CHI3L2: variants seen among roughly 807,000 people sequenced by gnomAD.
The protein encoded by CHI3L2 is chitinase 3 like 2, also known as chitinase-3-like protein 2.
Under a neutral mutation model 47.3 loss-of-function variants are expected in CHI3L2, and 47 were observed. The observed-to-expected ratio is 0.99, with a 90% confidence interval of 0.79 to 1.27. The LOEUF (loss-of-function observed/expected upper bound fraction) is 1.27. Ranked by LOEUF, CHI3L2 falls within the 50% of genes most tolerant of loss-of-function variation. The probability of loss-of-function intolerance (pLI) is 0.00; values close to 1 mark genes in which losing one functional copy is unlikely to be tolerated. For synonymous variants in CHI3L2, 198 were observed against 169.9 expected, an observed-to-expected ratio of 1.17 and a Z score of -1.28; for missense variants, 497 against 462.1, an observed-to-expected ratio of 1.08 and a Z score of -0.69.
rs139820161 is a variant in CHI3L2, at chr1:111,236,102, C to T, written c.684C>T (p.Ser228=). The T allele has an allele frequency of 2.7e-5, 43 of 1,614,126 alleles. No individual in the cohort carries two copies. Among genetic ancestry groups the T allele is most frequent in the South Asian group, 6.6e-5 (6 of 91,090 alleles). ...AGCCCCTTATCACTGGCCACAACAG[C>T]CCTCTGAGCAAGGGGTGGCAGGACA... ...WEKPLITGHN[S]PLSKGWQDRG... is the part of the protein sequence containing the mutation. The change falls in exon 7 of 11, where the codon AGC becomes AGT. Residue 228 remains serine, a synonymous_variant. Transcript: ENST00000369748.
chr1:111,242,910 C>A (rs535665990), intron 10 of CHI3L2, among the ~76,000 whole-genome samples: 1 of 152,284 alleles, frequency 6.6e-6, no homozygotes, highest in Admixed American at 6.5e-5. Context: ...CATCCCTGGG[C>A]CCCCAGTTCC....
At position 111,229,876 on chromosome 1, in the gene CHI3L2, A is replaced by G; in HGVS notation, c.65A>G (p.Gln22Arg). 1 of 1,613,688 alleles carries G rather than the reference A, an allele frequency of 6.2e-7. No individual in the cohort carries two copies. Among genetic ancestry groups the G allele is most frequent in the Non-Finnish European group, 8.5e-7 (1 of 1,179,850 alleles). The change falls in exon 2 of 11, where the codon CAG becomes CGG. Residue 22 changes from glutamine to arginine, a missense_variant. Coordinates refer to ENST00000369748, the MANE Select transcript of CHI3L2 (RefSeq NM_004000.3). ...WAGVVVLLLL[Q>R]GGSAYKLVCY... is the part of the protein sequence containing the mutation. ...GGTGTAGTGGTCTTGCTGCTTCTCC[A>G]GGGAGGTAAGTAGTCAATAAGTCAC...
chr1:111,236,349 T>C (rs780157182), intron 7 of CHI3L2, among the ~76,000 whole-genome samples, 196 bp downstream of exon 7: 18 of 152,170 alleles, frequency 1.2e-4, no homozygotes, highest in Non-Finnish European at 2.4e-4. Flanking sequence ...CTAGAAAATA[T>C]CAGAAGTGCT....
chr1:111,230,000 C>A, intron 2 of CHI3L2, 119 bp downstream of exon 2: 1 of 1,095,674 alleles, frequency 9.1e-7, no homozygotes, highest in Non-Finnish European at 1.3e-6. Context: ...CCGGTTCTGC[C>A]ACTGACATAT....
chr1:111,229,967 G>A, intron 2 of CHI3L2, 86 bp downstream of exon 2: 1 of 1,458,248 alleles, frequency 6.9e-7, no homozygotes, highest in Non-Finnish European at 9.6e-7. Context: ...TCTGCTACAT[G>A]CTTTTTCTCT....
In CHI3L2 at chr1:111,235,190, G is replaced by C. The variant is rs567770966; in HGVS notation, c.480+133G>C. 3.5e-6 allele frequency: 3 copies of C among 848,880 alleles called. No individual in the cohort carries two copies. In the South Asian group the frequency reaches 5.8e-5, roughly 16 times the overall value. The allele number at this position is 848,880 out of a possible 1,614,324, so 52.6% of individuals were successfully genotyped here. On this transcript the variant is annotated intron_variant, in intron 5 of 10. Coordinates refer to ENST00000369748, the MANE Select transcript of CHI3L2 (RefSeq NM_004000.3). ...GTCTAACAGCCCCAGCCTTTCTGAA[G>C]CTCCCACTAATGAGAGAAAAGCCCT...
intron 1 of CHI3L2, 55 bp downstream of exon 1, chr1:111,227,824 C>T: frequency 2.6e-6 from 4 of 1,515,476 alleles, no homozygotes; most frequent in Non-Finnish European, 2.8e-6. Context: ...GAAGAGGTAA[C>T]AGGTCTGTAG....
intron 1 of CHI3L2, among the ~76,000 whole-genome samples, chr1:111,228,699 G>C (rs1659601204): frequency 6.6e-6 from 1 of 152,220 alleles, no homozygotes; most frequent in South Asian, 2.1e-4. Context: ...GGAGGAATCA[G>C]CTCCAGCAGC....
At position 111,227,907 on chromosome 1, in the gene CHI3L2, A is replaced by T. The variant is rs1571220788; in HGVS notation, c.40+138A>T. On this transcript the variant is annotated intron_variant, in intron 1 of 10. Coordinates refer to ENST00000369748, the MANE Select transcript of CHI3L2 (RefSeq NM_004000.3). ...CTTAGTGTCAAAAAATTTCAAGCCA[A>T]TGCAACTGTTGTAGGGGAACCACCT... 3.6e-6 allele frequency: 3 copies of T among 830,620 alleles called. No homozygotes were observed. In the Admixed American group the frequency reaches 6.5e-5, roughly 18 times the overall value. 51.5% of individuals were successfully genotyped at this position (830,620 alleles called of 1,614,324 possible). A position where few individuals can be genotyped will look rare whatever the true frequency, so the allele number is the denominator to read the frequency against.
intron 9 of CHI3L2, among the ~76,000 whole-genome samples, chr1:111,241,920 G>A (rs1660071304): frequency 6.6e-6 from 1 of 152,150 alleles, no homozygotes; most frequent in African/African-American, 2.4e-5. Flanking sequence ...GAGTGTAATT[G>A]ACAATCCTGG....
Position 111,238,944 on chromosome 1 carries a change from C to G in CHI3L2, c.918+12C>G, listed in dbSNP as rs779704460. ...TGGCCTATTATGAGGTACCTGGAAA[C>G]CCCCTGTACCCTCAGCTCCCTGCCA... On this transcript the variant is annotated intron_variant, in intron 8 of 10. Transcript: ENST00000369748. 3.8e-6 allele frequency: 6 copies of G among 1,564,380 alleles called. No homozygotes were observed. The highest frequency in any genetic ancestry group is 3.6e-5 in the South Asian group (3 of 83,248).
chr1:111,231,925 A>G (rs1659734542), intron 4 of CHI3L2, among the ~76,000 whole-genome samples: 1 of 152,262 alleles, frequency 6.6e-6, no homozygotes, highest in Non-Finnish European at 1.5e-5. Flanking sequence ...ATAAGGATAA[A>G]TATCACATTT....
In CHI3L2 at chr1:111,242,258, G is replaced by A. The variant is rs769095393; in HGVS notation, c.1067G>A (p.Gly356Glu). Residue 356 changes from glycine (G) to glutamate (E), a missense_variant, in exon 10 of 11, where the codon GGA (glycine) becomes GAA (glutamate). Gly to Glu is a moderately conservative substitution (Grantham distance 98, BLOSUM62 -2). Transcript: ENST00000369748. The stretch of plus-strand genomic sequence containing the variant: ...TTCTTAAAGAATTTAAACCTGGGAG[G>A]AGCCATGATCTGGTCTATTGACATG... ...VQFLKNLNLG[G>E]AMIWSIDMDD... 6.8e-6 allele frequency: 11 copies of A among 1,614,094 alleles called. No individual in the cohort carries two copies. In the South Asian group the frequency reaches 1.2e-4, roughly 18 times the overall value.
At chr1:111,229,163 C>T (rs1659616340) in intron 1 of CHI3L2, among the ~76,000 whole-genome samples, 1 of 152,150 alleles carries the variant, frequency 6.6e-6, no homozygotes, top group South Asian at 2.1e-4. Flanking sequence ...GTCACCCTAC[C>T]TATATTCAAC....
At position 111,230,940 on chromosome 1, in the gene CHI3L2, C is replaced by A. The variant is rs1429656804; in HGVS notation, c.269C>A (p.Thr90Asn). 6.2e-7 allele frequency: 1 copy of A among 1,613,622 alleles called. No homozygotes were observed. The highest frequency in any genetic ancestry group is 2.2e-5 in the East Asian group (1 of 44,876). Residue 90 changes from threonine (T) to asparagine (N), a missense_variant, in exon 3 of 11, where the codon ACC becomes AAC. Physicochemically the swap from Thr to Asn is moderately conservative, Grantham distance 65. Transcript: ENST00000369748. ...TACCAGACCATCAACAGTCTCAAAA[C>A]CAAGTGAGTAAGATGGGGGTGGAAG... ...MLYQTINSLKTKNPKLKILLS... is the reference protein window; with the variant it reads ...MLYQTINSLKNKNPKLKILLS...
chr1:111,235,172 A>G, intron 5 of CHI3L2, 115 bp downstream of exon 5: 1 of 1,065,764 alleles, frequency 9.4e-7, no homozygotes, highest in East Asian at 2.5e-5. Flanking sequence ...TGAGTCTAAC[A>G]GCCCCAGCCT....
intron 7 of CHI3L2, among the ~76,000 whole-genome samples, chr1:111,237,333 G>A (rs1255428451): frequency 6.6e-6 from 1 of 152,198 alleles, no homozygotes; most frequent in South Asian, 2.1e-4. Flanking sequence ...ACAGCTTGGA[G>A]GTTAGAAGCA....
Position 111,234,960 on chromosome 1 carries a change from T to C in CHI3L2, c.383T>C (p.Ile128Thr). The change falls in exon 5 of 11, where the codon ATA becomes ACA. Residue 128 changes from isoleucine (I) to threonine (T), a missense_variant. Physicochemically the swap from Ile to Thr is moderately conservative, Grantham distance 89. Transcript: ENST00000369748. ...TCACGCTTGGAATTCATTAACTCCA[T>C]AATCCTGTTTCTGAGGAACCATAAC... ...STSRLEFINS[I>T]ILFLRNHNFD... is the part of the protein sequence containing the mutation. 2 of 1,614,186 alleles carry C rather than the reference T, an allele frequency of 1.2e-6. No individual in the cohort carries two copies. Among genetic ancestry groups the C allele is most frequent in the Non-Finnish European group, 1.7e-6 (2 of 1,180,002 alleles).
At chr1:111,229,443 G>A (rs999463760) in intron 1 of CHI3L2, among the ~76,000 whole-genome samples, 14 of 152,098 alleles carry the variant, frequency 9.2e-5, no homozygotes, top group Admixed American at 2.6e-4. Flanking sequence ...AGCACTTTGG[G>A]AGGCCGAGGC....
Sources: allele counts gnomAD v4.1 joint callset (sites outside exome capture counted in the v4.1 genomes callset), GRCh38; gene constraint gnomAD v4.1.1; transcripts MANE v1.5; gene names NCBI Gene and HGNC (gene_info 2026-07-23, HGNC 2026-07-21).